TMCO5A: variants seen among roughly 807,000 people sequenced by gnomAD.
TMCO5A encodes transmembrane and coiled-coil domains 5A.
TMCO5A carries 34 observed loss-of-function variants against 42.3 expected under a neutral mutation model. That is an observed-to-expected ratio of 0.80 (90% confidence interval 0.61 to 1.07). TMCO5A has a LOEUF of 1.07. Ranked by LOEUF, TMCO5A falls within the 50% of genes least tolerant of loss-of-function variation. The pLI, the probability that TMCO5A is intolerant of heterozygous loss-of-function variation, is 0.00. For missense variants in TMCO5A, 357 were observed against 327.9 expected, an observed-to-expected ratio of 1.09 and a Z score of -0.69; for synonymous variants, 131 against 115.6, an observed-to-expected ratio of 1.13 and a Z score of -0.86.
chr15:38,036,774 T>C, the TMCO5A span, among the ~76,000 whole-genome samples: 1 of 152,156 alleles, frequency 6.6e-6, no homozygotes, highest in African/African-American at 2.4e-5. Flanking sequence ...AGAGGACTTA[T>C]ATCATGGTAT....
intron 10 of TMCO5A, 139 bp from the exon 11 acceptor site, chr15:37,947,517 A>T (rs575891716): frequency 6.9e-5 from 42 of 608,970 alleles, no homozygotes; most frequent in Middle Eastern, 4.3e-4. Flanking sequence ...TGGCCTGAAA[A>T]TTATATGTGC....
In TMCO5A at chr15:37,951,063, C is replaced by G. The variant is rs576332717; in HGVS notation, c.696C>G (p.Thr232=). The G allele has an allele frequency of 9.9e-6, 16 of 1,612,264 alleles. No homozygotes were observed. In the African/African-American group the frequency reaches 1.6e-4, roughly 16 times the overall value. The change falls in exon 12 of 12, where the codon ACC becomes ACG. Residue 232 remains threonine (T), a synonymous_variant. Coordinates refer to ENST00000319669, the MANE Select transcript of TMCO5A (RefSeq NM_152453.4). ...KKIFCCLFFI[T]LFFIRLLSYM... is the part of the protein sequence containing the mutation. ...TTTTTTGCTGTCTCTTTTTCATCAC[C>G]CTATTTTTCATCAGACTGCTGAGCT...
chr15:38,017,875 G>A, the TMCO5A span, among the ~76,000 whole-genome samples: 36 of 152,124 alleles, frequency 2.4e-4, no homozygotes. Flanking sequence ...CCCCCTTGCT[G>A]TTCTTGTGAT....
the TMCO5A span, among the ~76,000 whole-genome samples, chr15:38,008,059 C>T: frequency 7.9e-5 from 12 of 151,832 alleles, no homozygotes; most frequent in East Asian, 1.9e-4. Flanking sequence ...CCACGCCTGG[C>T]TAATTTTTCA....
chr15:38,037,116 A>C, the TMCO5A span, among the ~76,000 whole-genome samples: 4 of 152,370 alleles, frequency 2.6e-5, no homozygotes, highest in African/African-American at 9.6e-5. Context: ...TTACTTGTGG[A>C]AATACCAGCG....
At chr15:38,023,215 C>T in the TMCO5A span, among the ~76,000 whole-genome samples, 2 of 152,118 alleles carry the variant, frequency 1.3e-5, no homozygotes, top group South Asian at 4.1e-4. Flanking sequence ...AAAATAGAGT[C>T]CAGAAGCAGA....
chr15:38,031,501 C>T, the TMCO5A span, among the ~76,000 whole-genome samples: 1 of 152,156 alleles, frequency 6.6e-6, no homozygotes, highest in Admixed American at 6.6e-5. Flanking sequence ...GCTTACTCTA[C>T]AGGAAGTTAG....
intron 10 of TMCO5A, among the ~76,000 whole-genome samples, chr15:37,947,298 G>A (rs76863893): frequency 0.016 from 2,493 of 152,032 alleles, 78 homozygotes; most frequent in African/African-American, 0.057. Context: ...GCTTCTCTAA[G>A]GGTCACTGGC....
At chr15:38,029,174 G>T in the TMCO5A span, among the ~76,000 whole-genome samples, 1 of 152,072 alleles carries the variant, frequency 6.6e-6, no homozygotes, top group Non-Finnish European at 1.5e-5. Flanking sequence ...AGTAAAAAGA[G>T]GCATATGGGA....
At chr15:37,941,963 T>G (rs1308907062) in intron 8 of TMCO5A, among the ~76,000 whole-genome samples, 1 of 152,090 alleles carries the variant, frequency 6.6e-6, no homozygotes, top group Non-Finnish European at 1.5e-5. Context: ...AAGTTAATAA[T>G]TCACACTTCT....
At chr15:37,956,029 C>A (rs1014077603), downstream of TMCO5A, among the ~76,000 whole-genome samples, 2 of 151,934 alleles carry the variant, frequency 1.3e-5, no homozygotes, top group Non-Finnish European at 2.9e-5. Context: ...TAGAAATAAA[C>A]AAGTTCTTTG....
At chr15:38,029,367 CCACACACACACA>C in the TMCO5A span, among the ~76,000 whole-genome samples, 691 of 148,058 alleles carry the variant, frequency 4.7e-3, 6 homozygotes, top group African/African-American at 0.016. Context: ...CATGAATACA[CCACACACACACA>C]CACACACACA....
intron 11 of TMCO5A, among the ~76,000 whole-genome samples, chr15:37,959,619 A>G (rs1890372480): frequency 6.6e-6 from 1 of 152,068 alleles, no homozygotes; most frequent in South Asian, 2.1e-4. Flanking sequence ...TGAAAAAGCA[A>G]TTGATATAAT....
At chr15:38,031,917 T>A in the TMCO5A span, among the ~76,000 whole-genome samples, 1 of 151,842 alleles carries the variant, frequency 6.6e-6, no homozygotes, top group Non-Finnish European at 1.5e-5. Context: ...CTGGGGCCCT[T>A]CTCACATGCT....
chr15:37,989,543 T>C, the TMCO5A span, among the ~76,000 whole-genome samples: 1 of 152,040 alleles, frequency 6.6e-6, no homozygotes, highest in South Asian at 2.1e-4. Flanking sequence ...CCCTTGTAAT[T>C]TCATCTTGGA....
At chr15:37,999,926 T>A in the TMCO5A span, among the ~76,000 whole-genome samples, 5 of 152,196 alleles carry the variant, frequency 3.3e-5, no homozygotes, top group African/African-American at 1.2e-4. Context: ...TTTGGTTTGC[T>A]AGTATTTTGT....
the TMCO5A span, among the ~76,000 whole-genome samples, chr15:38,015,266 T>C: frequency 6.6e-6 from 1 of 152,022 alleles, no homozygotes; most frequent in Non-Finnish European, 1.5e-5. Context: ...GTATTAACCA[T>C]CACAGGAACT....
At chr15:38,030,092 C>T in the TMCO5A span, among the ~76,000 whole-genome samples, 1 of 152,128 alleles carries the variant, frequency 6.6e-6, no homozygotes, top group Non-Finnish European at 1.5e-5. Flanking sequence ...GGTAAGGAGT[C>T]TTTTACATTT....
At chr15:37,996,913 T>C in the TMCO5A span, among the ~76,000 whole-genome samples, 1 of 152,182 alleles carries the variant, frequency 6.6e-6, no homozygotes, top group Non-Finnish European at 1.5e-5. Flanking sequence ...CCTCCAACTT[T>C]AGCCCAGCTG....
Sources: gnomAD v4.1 joint callset for allele counts (sites outside exome capture counted in the v4.1 genomes callset) on GRCh38, gnomAD v4.1.1 for gene constraint, MANE v1.5 for transcripts, NCBI Gene and HGNC (gene_info 2026-07-23, HGNC 2026-07-21) for gene names.